MTUS1: variants seen among roughly 807,000 people sequenced by gnomAD.
MTUS1 encodes the protein microtubule associated scaffold protein 1.
Under a neutral mutation model 120.8 loss-of-function variants are expected in MTUS1, and 109 were observed. The ratio of observed to expected loss-of-function variants is 0.90; its 90% CI spans 0.77 to 1.06. MTUS1 has a LOEUF of 1.06. MTUS1 is among the 50% of genes least tolerant of loss of function. The pLI is 0.00. For missense variants in MTUS1, 2,210 were observed against 1,486.3 expected (o/e 1.49, Z -8.01); for synonymous variants, 737 against 550.5 (o/e 1.34, Z -4.74).
At chr8:17,785,232 A>G (rs1425185315) in intron 1 of MTUS1, among the ~76,000 whole-genome samples, 2 of 152,172 alleles carry the variant, frequency 1.3e-5, no homozygotes, top group Non-Finnish European at 2.9e-5. Context: ...AGCCAGGAAG[A>G]CAAAAATGTA....
At chr8:17,757,045 C>A (rs1018534233) in intron 1 of MTUS1, among the ~76,000 whole-genome samples, 2 of 152,144 alleles carry the variant, frequency 1.3e-5, no homozygotes, top group South Asian at 4.1e-4. Flanking sequence ...TAAGAATCTA[C>A]TGAAGAAAAT....
chr8:17,797,931 G>GC lies in MTUS1; in HGVS notation c.-155+3129dup, dbSNP rs916213534. On this transcript the variant is annotated intron_variant, in intron 1 of 14. Coordinates refer to ENST00000693296, the MANE Select transcript of MTUS1 (RefSeq NM_001363059.2). The stretch of plus-strand genomic sequence containing the variant: ...AGATATCAGGAAGACGTGTTCCCCC[G>GC]CCCCCCCAAATAAATACTTTGCTGA... Among the ~76,000 whole-genome samples the GC allele has an allele frequency of 3.6e-4, 55 of 151,762 alleles. 1 individual carries two copies. Among genetic ancestry groups the GC allele is most frequent in the African/African-American group, 1.1e-3 (44 of 41,350 alleles).
intron 8 of MTUS1, among the ~76,000 whole-genome samples, chr8:17,673,776 G>A (rs34646323): frequency 0.59 from 89,241 of 151,800 alleles, 27,561 homozygotes; most frequent in East Asian, 0.73. Context: ...TTGACCCCAC[G>A]TTCACTGCCG....
intron 8 of MTUS1, among the ~76,000 whole-genome samples, chr8:17,671,618 G>A (rs902450887): frequency 1.3e-5 from 2 of 152,226 alleles, no homozygotes; most frequent in Non-Finnish European, 2.9e-5. Flanking sequence ...GTGGATGCTG[G>A]GACAGCTGGA....
chr8:17,674,605 T>C, intron 8 of MTUS1: 1 of 985,714 alleles, frequency 1.0e-6, no homozygotes, highest in African/African-American at 1.7e-5. Flanking sequence ...TGGTGGGTGT[T>C]GAGACATGTA....
intron 6 of MTUS1, among the ~76,000 whole-genome samples, chr8:17,689,144 G>A (rs1732232891): frequency 6.6e-6 from 1 of 152,104 alleles, no homozygotes; most frequent in African/African-American, 2.4e-5. Flanking sequence ...CCGGGAGGTG[G>A]AAGTTCCAGT....
In MTUS1 at chr8:17,753,967, T is replaced by A. The variant is rs767736192; in HGVS notation, c.1841A>T (p.Asp614Val). 5 of 1,614,206 alleles carry A rather than the reference T, an allele frequency of 3.1e-6. No individual in the cohort carries two copies. The highest frequency in any genetic ancestry group is 4.2e-6 in the Non-Finnish European group (5 of 1,180,034). ...TTSAVKSNQE[D>V]VDKASSSNSA... ...GTTAGAAGAACTGGCTTTGTCAACA[T>A]CTTCCTGATTCGATTTCACGGCAGA... Residue 614 changes from aspartate to valine, a missense_variant, in exon 2 of 15, where the codon GAT becomes GTT. By Grantham distance (152) the Asp-to-Val change is radical (BLOSUM62 -3). Transcript: ENST00000693296.
Position 17,653,672 on chromosome 8 carries a change from G to A in MTUS1, c.3215-174C>T, listed in dbSNP as rs573368259. 11 of 556,140 alleles carry A rather than the reference G, an allele frequency of 2.0e-5. No individual in the cohort carries two copies. The East Asian group carries it at 2.6e-4, about 13-fold the overall frequency. The allele number at this position is 556,140 out of a possible 1,614,324, so 34.5% of individuals were successfully genotyped here. ...ATCTGTTCTCAAAATGGCCTTGAGA[G>A]GTGGTTAGGGTAGACATTCCCATTT... On this transcript the variant is annotated intron_variant, in intron 10 of 14. Coordinates refer to ENST00000693296, the MANE Select transcript of MTUS1 (RefSeq NM_001363059.2).
intron 6 of MTUS1, among the ~76,000 whole-genome samples, chr8:17,700,930 T>C (rs950324554): frequency 9.2e-5 from 14 of 152,152 alleles, no homozygotes; most frequent in African/African-American, 1.7e-4. Context: ...CTGGTCTGCA[T>C]AGAAATGTGT....
At chr8:17,789,336 T>C (rs916630692) in intron 1 of MTUS1, among the ~76,000 whole-genome samples, 3 of 152,198 alleles carry the variant, frequency 2.0e-5, no homozygotes, top group Non-Finnish European at 2.9e-5. Context: ...CGGCCACTTT[T>C]AGTTTTTAAA....
chr8:17,653,422 C>CA lies in MTUS1; in HGVS notation c.3288+2dup. Reference sequence around the variant, plus strand: ...GGATACTGGGATATTGACATTCACCCACCTCTAGCGATTCCTGCTTCTCAG... The same window carrying CA: ...GGATACTGGGATATTGACATTCACCCAACCTCTAGCGATTCCTGCTTCTCAG... On this transcript the variant is annotated splice_region_variant and intron_variant, in intron 11 of 14. Transcript: ENST00000693296. 1 of 1,602,950 alleles carries CA rather than the reference C, an allele frequency of 6.2e-7. No homozygotes were observed. Among genetic ancestry groups the CA allele is most frequent in the East Asian group, 2.2e-5 (1 of 44,788 alleles).
At chr8:17,646,868 C>T (rs1805899652) in intron 14 of MTUS1, 114 bp downstream of exon 14, 1 of 715,656 alleles carries the variant, frequency 1.4e-6, no homozygotes, top group Admixed American at 2.5e-5. Flanking sequence ...GCCCTTTTAA[C>T]CATCTGCTTC....
chr8:17,709,222 G>C (rs1431523142), intron 6 of MTUS1, among the ~76,000 whole-genome samples: 3 of 151,770 alleles, frequency 2.0e-5, no homozygotes, highest in Non-Finnish European at 4.4e-5. Context: ...ACACCTGATG[G>C]GGCATCAAGG....
At chr8:17,787,895 C>T (rs1423210401) in intron 1 of MTUS1, among the ~76,000 whole-genome samples, 9 of 152,174 alleles carry the variant, frequency 5.9e-5, no homozygotes, top group African/African-American at 1.9e-4. Flanking sequence ...CCGAGGCAGG[C>T]GGATCACCTG....
intron 6 of MTUS1, among the ~76,000 whole-genome samples, chr8:17,701,252 T>C: frequency 6.6e-6 from 1 of 152,198 alleles, no homozygotes; most frequent in Non-Finnish European, 1.5e-5. Context: ...CCTCACAGTC[T>C]TTAATGTAGT....
chr8:17,653,417 T>A lies in MTUS1; in HGVS notation c.3288+8A>T, dbSNP rs1201391800. On this transcript the variant is annotated splice_region_variant and intron_variant, in intron 11 of 14. Coordinates refer to ENST00000693296, the MANE Select transcript of MTUS1 (RefSeq NM_001363059.2). ...GTGGGGGATACTGGGATATTGACATTCACCCACCTCTAGCGATTCCTGCTT... is the reference window on the plus strand; with the variant it reads ...GTGGGGGATACTGGGATATTGACATACACCCACCTCTAGCGATTCCTGCTT... The A allele has an allele frequency of 6.3e-7, 1 of 1,599,902 alleles. No individual in the cohort carries two copies. The highest frequency in any genetic ancestry group is 1.3e-5 in the African/African-American group (1 of 74,122).
intron 8 of MTUS1, among the ~76,000 whole-genome samples, chr8:17,671,875 G>C (rs531828396): frequency 4.0e-4 from 61 of 152,276 alleles, no homozygotes; most frequent in African/African-American, 1.4e-3. Context: ...CTCTTTTCTT[G>C]AGTTGCTGTG....
intron 3 of MTUS1, among the ~76,000 whole-genome samples, chr8:17,742,811 A>G (rs1446092687): frequency 6.6e-6 from 1 of 152,162 alleles, no homozygotes; most frequent in African/African-American, 2.4e-5. Flanking sequence ...AGTTTCCATA[A>G]AACATTCTCA....
chr8:17,784,600 C>G (rs1033142581), intron 1 of MTUS1, among the ~76,000 whole-genome samples: 1 of 151,912 alleles, frequency 6.6e-6, no homozygotes, highest in African/African-American at 2.4e-5. Context: ...AAGAGACTTT[C>G]AAGAATGAAA....
Sources: gnomAD v4.1 joint callset for allele counts (sites outside exome capture counted in the v4.1 genomes callset) on GRCh38, gnomAD v4.1.1 for gene constraint, MANE v1.5 for transcripts, NCBI Gene and HGNC (gene_info 2026-07-23, HGNC 2026-07-21) for gene names.